RNF168: variants seen among roughly 807,000 people sequenced by gnomAD.
RNF168 encodes ring finger protein 168.
A neutral mutation model predicts 34.9 loss-of-function variants in RNF168; 34 were observed. The ratio of observed to expected loss-of-function variants is 0.97; its 90% CI spans 0.74 to 1.30. RNF168 has a LOEUF of 1.30. RNF168 is among the 50% of genes most tolerant of loss of function. The probability of loss-of-function intolerance (pLI) is 0.00; values close to 1 mark genes in which losing one functional copy is unlikely to be tolerated. For synonymous variants in RNF168, 264 were observed against 254.7 expected (o/e 1.04, Z -0.35); for missense variants, 725 against 682.5 (o/e 1.06, Z -0.69).
Position 196,472,107 on chromosome 3 carries a change from TA to T in RNF168, c.1427del (p.Leu476TyrfsTer12). 2 of 1,613,880 alleles carry T rather than the reference TA, an allele frequency of 1.2e-6. No individual in the cohort carries two copies. The highest frequency in any genetic ancestry group is 1.7e-6 in the Non-Finnish European group (2 of 1,179,934). On this transcript the variant is annotated frameshift_variant, in exon 6 of 6. Coordinates refer to ENST00000318037, the MANE Select transcript of RNF168 (RefSeq NM_152617.4). LOFTEE classifies it high-confidence loss of function. ...RQKGSPDEYH[L>X]RATSSPPDKV... ...TGTCTGGAGGGGAGGATGTAGCGCGTAAGTGATACTCATCTGGGGATCCTTT... is the reference window on the plus strand; with the variant it reads ...TGTCTGGAGGGGAGGATGTAGCGCGTAGTGATACTCATCTGGGGATCCTTT...
chr3:196,472,519 T>A lies in RNF168; in HGVS notation c.1016A>T (p.Tyr339Phe). 3 of 1,614,190 alleles carry A rather than the reference T, an allele frequency of 1.9e-6. No individual in the cohort carries two copies. Among genetic ancestry groups the A allele is most frequent in the Non-Finnish European group, 2.5e-6 (3 of 1,180,026 alleles). ...SHERPKTRVPYSKETAVMPCG... is the reference protein window; with the variant it reads ...SHERPKTRVPFSKETAVMPCG... ...AGGCATAACTGCAGTTTCTTTCGAG[T>A]AGGGAACTCTGGTTTTAGGTCGCTC... Residue 339 changes from tyrosine to phenylalanine, a missense_variant, in exon 6 of 6, where the codon TAC (tyrosine) becomes TTC (phenylalanine). Physicochemically the swap from Tyr to Phe is conservative, Grantham distance 22. Coordinates refer to ENST00000318037, the MANE Select transcript of RNF168 (RefSeq NM_152617.4).
rs568721032 is a variant in RNF168 at position 196,486,624 on chromosome 3, G to A, written c.558+775C>T. 1.1e-4 allele frequency among the ~76,000 whole-genome samples: 16 copies of A among 152,300 alleles called. No individual in the cohort carries two copies. In the South Asian group the frequency reaches 3.3e-3, roughly 32 times the overall value. On this transcript the variant is annotated intron_variant, in intron 3 of 5. Coordinates refer to ENST00000318037, the MANE Select transcript of RNF168 (RefSeq NM_152617.4). ...ACTGGGATTACAGGCCCGAGCCATC[G>A]CACCCTGGCAAGAAAAAAGTTGTAA...
intron 4 of RNF168, among the ~76,000 whole-genome samples, chr3:196,482,025 C>G (rs1052781733): frequency 4.1e-5 from 6 of 147,076 alleles, no homozygotes; most frequent in Admixed American, 2.0e-4. Context: ...GTCCCAAACT[C>G]AAACTCCCTG....
At position 196,487,511 on chromosome 3, in the gene RNF168, A is replaced by C; in HGVS notation, c.446T>G (p.Leu149Trp). The C allele has an allele frequency of 6.2e-7, 1 of 1,613,952 alleles. No homozygotes were observed. The highest frequency in any genetic ancestry group is 1.3e-5 in the African/African-American group (1 of 74,988). Residue 149 changes from leucine (L) to tryptophan (W), a missense_variant, in exon 3 of 6, where the codon TTG (leucine) becomes TGG (tryptophan). Coordinates refer to ENST00000318037, the MANE Select transcript of RNF168 (RefSeq NM_152617.4). ...TTCCTCTTCTTCCTCCTCTGCCAAC[A>C]ACCTCTGTATGTATTCTTCACTGGC... ...NKASEEYIQR[L>W]LAEEEEEEKR...
At position 196,487,648 on chromosome 3, in the gene RNF168, G is replaced by C. The variant is rs187971060; in HGVS notation, c.379-70C>G. ...GTATACTTGCAATATTTCATAACAAGAATAGAAAAGTAGAAAAAGAACAAA... is the reference window on the plus strand; with the variant it reads ...GTATACTTGCAATATTTCATAACAACAATAGAAAAGTAGAAAAAGAACAAA... On this transcript the variant is annotated intron_variant, in intron 2 of 5. Coordinates refer to ENST00000318037, the MANE Select transcript of RNF168 (RefSeq NM_152617.4). The C allele has an allele frequency of 2.6e-3, 3,623 of 1,397,352 alleles. 22 individuals carry two copies. The highest frequency in any genetic ancestry group is 0.011 in the African/African-American group (781 of 70,448). The allele number at this position is 1,397,352 out of a possible 1,614,324, so 86.6% of individuals were successfully genotyped here. A position where few individuals can be genotyped will look rare whatever the true frequency, so the allele number is the denominator to read the frequency against.
chr3:196,471,569 A>G lies in RNF168; in HGVS notation c.*250T>C. 3 of 441,558 alleles carry G rather than the reference A, an allele frequency of 6.8e-6. No homozygotes were observed. The highest frequency in any genetic ancestry group is 3.7e-5 in the Admixed American group (1 of 26,942). 27.4% of individuals were successfully genotyped at this position (441,558 alleles called of 1,614,324 possible). On this transcript the variant is annotated 3_prime_UTR_variant, in exon 6 of 6. Coordinates refer to ENST00000318037, the MANE Select transcript of RNF168 (RefSeq NM_152617.4). ...CCTGGAGTTGGCCAAAGCTTAAGAT[A>G]TCTCTAAGAATTGTAAAGCTTAATA...
At chr3:196,484,534 T>G (rs1419206742) in intron 3 of RNF168, among the ~76,000 whole-genome samples, 1 of 139,440 alleles carries the variant, frequency 7.2e-6, no homozygotes, top group Non-Finnish European at 1.5e-5. Flanking sequence ...GAGGCTGGAG[T>G]GCAGTGTAGC....
In RNF168 at chr3:196,495,452, T is replaced by G. The variant is rs182126362; in HGVS notation, c.302-6769A>C. 2.0e-5 allele frequency among the ~76,000 whole-genome samples: 3 copies of G among 152,364 alleles called. No homozygotes were observed. The East Asian group carries it at 5.8e-4, about 29-fold the overall frequency. On this transcript the variant is annotated intron_variant, in intron 1 of 5. Coordinates refer to ENST00000318037, the MANE Select transcript of RNF168 (RefSeq NM_152617.4). ...GCATTTAGCTGTCATTCTCTTTTAA[T>G]CTCCCTTTCAACTAGAATGATTCCT... is the stretch of plus-strand genomic sequence containing the variant.
Position 196,488,677 on chromosome 3 carries a change from T to C in RNF168, c.308A>G (p.Asp103Gly). ...SGQESEEVAD[D>G]YQPVRLLSKP... is the part of the protein sequence containing the mutation. ...ACTGAGCAGACGAACTGGCTGATAGTCATCAGCTATTTCATATCAAAAAAG... is the reference window on the plus strand; with the variant it reads ...ACTGAGCAGACGAACTGGCTGATAGCCATCAGCTATTTCATATCAAAAAAG... The change falls in exon 2 of 6, where the codon GAC (aspartate) becomes GGC (glycine). Residue 103 changes from aspartate (D) to glycine (G), a missense_variant. Coordinates refer to ENST00000318037, the MANE Select transcript of RNF168 (RefSeq NM_152617.4). 1.3e-6 allele frequency: 2 copies of C among 1,588,308 alleles called. No homozygotes were observed. Among genetic ancestry groups the C allele is most frequent in the East Asian group, 2.2e-5 (1 of 44,678 alleles).
chr3:196,503,543 C>T lies in RNF168; in HGVS notation c.-370G>A, dbSNP rs552861740. The T allele has an allele frequency of 1.5e-3, 485 of 314,656 alleles. No homozygotes were observed. Among genetic ancestry groups the T allele is most frequent in the Non-Finnish European group, 2.4e-3 (386 of 161,530 alleles). 19.5% of individuals were successfully genotyped at this position (314,656 alleles called of 1,614,324 possible). A position where few individuals can be genotyped will look rare whatever the true frequency, so the allele number is the denominator to read the frequency against. ...CTCCTCCCCTCACCCGGAAAGGATGCTCCGCTCAGCTCGGGGCAGCCGGGC... is the reference window on the plus strand; with the variant it reads ...CTCCTCCCCTCACCCGGAAAGGATGTTCCGCTCAGCTCGGGGCAGCCGGGC... On this transcript the variant is annotated 5_prime_UTR_variant, in exon 1 of 6. Coordinates refer to ENST00000318037, the MANE Select transcript of RNF168 (RefSeq NM_152617.4).
chr3:196,487,649 A>C lies in RNF168; in HGVS notation c.379-71T>G, dbSNP rs1732490466. ...TATACTTGCAATATTTCATAACAAG[A>C]ATAGAAAAGTAGAAAAAGAACAAAT... On this transcript the variant is annotated intron_variant, in intron 2 of 5. Transcript: ENST00000318037. The C allele has an allele frequency of 2.1e-6, 3 of 1,400,426 alleles. No individual in the cohort carries two copies. In the South Asian group the frequency reaches 3.5e-5, roughly 16 times the overall value. 86.7% of individuals were successfully genotyped at this position (1,400,426 alleles called of 1,614,324 possible). A position where few individuals can be genotyped will look rare whatever the true frequency, so the allele number is the denominator to read the frequency against.
rs1426643532 is a variant in RNF168 at position 196,472,283 on chromosome 3, G to T, written c.1252C>A (p.Gln418Lys). The T allele has an allele frequency of 1.5e-5, 24 of 1,613,786 alleles. No homozygotes were observed. The highest frequency in any genetic ancestry group is 1.9e-5 in the Non-Finnish European group (23 of 1,179,722). Reference protein sequence around the residue: ...RKVSPESSPDQEETEINFTQK... With the variant: ...RKVSPESSPDKEETEINFTQK... ...GTAAAGTTTATTTCTGTTTCCTCTT[G>T]ATCTGGGGAAGATTCGGGGGACACT... Residue 418 changes from glutamine (Q) to lysine (K), a missense_variant, in exon 6 of 6, where the codon CAA becomes AAA. Gln to Lys is a moderately conservative substitution (Grantham distance 53). Transcript: ENST00000318037.
rs1732481695 is a variant in RNF168 at position 196,487,409 on chromosome 3, C to T, written c.548G>A (p.Ser183Asn). ...CCTCCTAAAACTTACAATATCAATG[C>T]TTAGCTTTCTTGCCAGTTCCTCATC... ...KSDEELARKLSIDINNFCEGS... is the reference protein window; with the variant it reads ...KSDEELARKLNIDINNFCEGS... Residue 183 changes from serine to asparagine, a missense_variant, in exon 3 of 6, where the codon AGC (serine) becomes AAC (asparagine). Coordinates refer to ENST00000318037, the MANE Select transcript of RNF168 (RefSeq NM_152617.4). The T allele has an allele frequency of 1.9e-6, 3 of 1,613,784 alleles. No homozygotes were observed. Among genetic ancestry groups the T allele is most frequent in the Middle Eastern group, 1.6e-4 (1 of 6,084 alleles).
intron 1 of RNF168, among the ~76,000 whole-genome samples, chr3:196,502,001 T>C (rs936778830): frequency 2.3e-5 from 2 of 87,688 alleles, no homozygotes; most frequent in African/African-American, 9.1e-5. Context: ...TACAATAAAA[T>C]AAACGTATGT....
chr3:196,473,574 G>A (rs1237841312), intron 5 of RNF168, among the ~76,000 whole-genome samples: 5 of 152,176 alleles, frequency 3.3e-5, no homozygotes, highest in Admixed American at 1.3e-4. Context: ...CTGTAACATG[G>A]CTGGGCACGG....
intron 1 of RNF168, among the ~76,000 whole-genome samples, chr3:196,494,244 G>C (rs944913206): frequency 6.6e-6 from 1 of 152,046 alleles, no homozygotes; most frequent in Non-Finnish European, 1.5e-5. Flanking sequence ...CCATCTGTTG[G>C]AAACAACTCT....
At chr3:196,500,812 C>T (rs894490906) in intron 1 of RNF168, among the ~76,000 whole-genome samples, 11 of 151,848 alleles carry the variant, frequency 7.2e-5, no homozygotes, top group African/African-American at 2.4e-4. Flanking sequence ...CCCGGGTTCA[C>T]GCCATTCTCC....
intron 5 of RNF168, among the ~76,000 whole-genome samples, chr3:196,474,019 T>C (rs1295766094): frequency 6.6e-6 from 1 of 152,148 alleles, no homozygotes; most frequent in Non-Finnish European, 1.5e-5. Context: ...CACTCACTTG[T>C]GTGGCCTTTT....
chr3:196,483,519 T>C (rs926659954), intron 4 of RNF168, among the ~76,000 whole-genome samples: 11 of 152,026 alleles, frequency 7.2e-5, no homozygotes, highest in Admixed American at 5.3e-4. Flanking sequence ...AATCCAATGG[T>C]TCACTTTGAG....
Sources: gnomAD v4.1 joint callset for allele counts (sites outside exome capture counted in the v4.1 genomes callset) on GRCh38, gnomAD v4.1.1 for gene constraint, MANE v1.5 for transcripts, NCBI Gene and HGNC (gene_info 2026-07-23, HGNC 2026-07-21) for gene names.